DLG2: variants seen among roughly 807,000 people sequenced by gnomAD.
The protein encoded by DLG2 is disks large homolog 2.
DLG2 carries 45 observed loss-of-function variants against 132.5 expected under a neutral mutation model. That is an observed-to-expected ratio of 0.34 (90% CI 0.27 to 0.44). The LOEUF (loss-of-function observed/expected upper bound fraction) is 0.44, where lower values mean the gene tolerates loss of function less well. Among genes scored for constraint, DLG2 ranks in the 20% least tolerant of loss-of-function variants. The pLI, the probability that DLG2 is intolerant of heterozygous loss-of-function variation, is 1.00. For synonymous variants in DLG2, 424 were observed against 419.6 expected (o/e 1.01, Z -0.13); for missense variants, 1,045 against 1,196.9 (o/e 0.87, Z 1.87).
chr11:84,906,500 A>G (rs1349974771), intron 6 of DLG2, among the ~76,000 whole-genome samples: 2 of 151,928 alleles, frequency 1.3e-5, no homozygotes, highest in African/African-American at 4.8e-5. Flanking sequence ...AACATATGAG[A>G]CAGGAGACAT....
At chr11:83,490,941 T>C (rs2093805982) in intron 21 of DLG2, among the ~76,000 whole-genome samples, 2 of 152,002 alleles carry the variant, frequency 1.3e-5, no homozygotes, top group South Asian at 4.1e-4. Flanking sequence ...TATACCAACA[T>C]GAGTTGGTAA....
At chr11:84,786,800 A>G (rs1384166764) in intron 6 of DLG2, among the ~76,000 whole-genome samples, 1 of 152,204 alleles carries the variant, frequency 6.6e-6, no homozygotes, top group East Asian at 1.9e-4. Context: ...GTTAACTGGC[A>G]GTAAAAATCG....
chr11:84,229,623 A>G (rs1353819074), intron 8 of DLG2, among the ~76,000 whole-genome samples: 2 of 152,176 alleles, frequency 1.3e-5, no homozygotes, highest in Non-Finnish European at 2.9e-5. Context: ...ACATTTTTAC[A>G]AGCTCCCAAG....
intron 16 of DLG2, among the ~76,000 whole-genome samples, chr11:83,843,580 G>A (rs530631005): frequency 9.9e-5 from 15 of 150,924 alleles, no homozygotes; most frequent in Non-Finnish European, 1.2e-4. Context: ...GAGCATATAA[G>A]AGACATACAA....
chr11:83,860,050 G>C (rs1363862967), intron 16 of DLG2, among the ~76,000 whole-genome samples: 1 of 152,186 alleles, frequency 6.6e-6, no homozygotes, highest in Non-Finnish European at 1.5e-5. Context: ...GATTTTAGAA[G>C]ATGTATGGAA....
intron 11 of DLG2, among the ~76,000 whole-genome samples, chr11:84,003,210 C>A (rs1222781918): frequency 6.6e-6 from 1 of 152,194 alleles, no homozygotes; most frequent in Non-Finnish European, 1.5e-5. Flanking sequence ...GTCCATATCA[C>A]TATCAGCATT....
intron 6 of DLG2, among the ~76,000 whole-genome samples, chr11:84,944,297 T>C (rs1353801549): frequency 1.3e-5 from 2 of 152,198 alleles, no homozygotes. Context: ...TTCTCTGTTA[T>C]TATCCCTTCA....
chr11:83,562,966 C>CTT (rs527949325), intron 19 of DLG2, among the ~76,000 whole-genome samples: 37 of 81,368 alleles, frequency 4.5e-4, no homozygotes, highest in Non-Finnish European at 5.4e-4. Flanking sequence ...TTCCCTAATT[C>CTT]TTTTTTTTTT....
intron 7 of DLG2, among the ~76,000 whole-genome samples, chr11:84,378,013 A>G (rs981907817): frequency 1.3e-5 from 2 of 152,160 alleles, no homozygotes; most frequent in African/African-American, 4.8e-5. Context: ...TCATTCTATC[A>G]CTGAAAGGGC....
chr11:85,274,583 T>C (rs552435145), intron 4 of DLG2, among the ~76,000 whole-genome samples: 1 of 152,238 alleles, frequency 6.6e-6, no homozygotes, highest in Admixed American at 6.5e-5. Context: ...GAAAATGATA[T>C]CTCCAAATGA....
At chr11:83,736,907 T>C (rs2091971062) in intron 18 of DLG2, among the ~76,000 whole-genome samples, 1 of 152,236 alleles carries the variant, frequency 6.6e-6, no homozygotes. Flanking sequence ...TTACTGAGCA[T>C]CTGTGCATGA....
At chr11:85,020,365 C>T (rs2059940871) in intron 6 of DLG2, among the ~76,000 whole-genome samples, 1 of 152,000 alleles carries the variant, frequency 6.6e-6, no homozygotes, top group African/African-American at 2.4e-5. Flanking sequence ...CGATATTAGC[C>T]CTTTGTCAGA....
At chr11:83,917,382 GACCTA>G (rs2077082756) in intron 15 of DLG2, among the ~76,000 whole-genome samples, 1 of 152,150 alleles carries the variant, frequency 6.6e-6, no homozygotes, top group Non-Finnish European at 1.5e-5. Flanking sequence ...TCATTACAAT[GACCTA>G]ACCTATGTTA....
intron 3 of DLG2, among the ~76,000 whole-genome samples, chr11:85,505,752 T>G (rs1160606889): frequency 6.6e-6 from 1 of 152,166 alleles, no homozygotes; most frequent in East Asian, 1.9e-4. Context: ...TTAGGGAGGA[T>G]TCCCGCTTTT....
intron 15 of DLG2, among the ~76,000 whole-genome samples, chr11:83,925,911 GA>G (rs1421670517): frequency 1.3e-5 from 2 of 151,812 alleles, no homozygotes; most frequent in Non-Finnish European, 1.5e-5. Flanking sequence ...TTTTTTCAAA[GA>G]AAAAGAGATG....
chr11:84,563,479 T>G (rs1234330055), intron 6 of DLG2, among the ~76,000 whole-genome samples: 1 of 152,174 alleles, frequency 6.6e-6, no homozygotes, highest in Non-Finnish European at 1.5e-5. Flanking sequence ...GAAGGAATCA[T>G]GCTTTTTTTC....
chr11:85,377,322 G>A (rs928433402), intron 3 of DLG2, among the ~76,000 whole-genome samples: 1 of 152,100 alleles, frequency 6.6e-6, no homozygotes, highest in Non-Finnish European at 1.5e-5. Context: ...AGGTTTTAAG[G>A]CCTCAGTCAA....
chr11:84,923,145 G>A (rs376651133), intron 6 of DLG2: 115 of 1,613,348 alleles, frequency 7.1e-5, no homozygotes, highest in Middle Eastern at 1.7e-4. Flanking sequence ...CATATGGACC[G>A]GTATTCAGCT....
intron 7 of DLG2, among the ~76,000 whole-genome samples, chr11:84,338,219 C>T (rs1482257032): frequency 6.6e-6 from 1 of 152,156 alleles, no homozygotes; most frequent in African/African-American, 2.4e-5. Context: ...TGCAATTGTC[C>T]ACAGACGTTT....
Sources: gnomAD v4.1 joint callset for allele counts (sites outside exome capture counted in the v4.1 genomes callset) on GRCh38, gnomAD v4.1.1 for gene constraint, MANE v1.5 for transcripts, NCBI Gene and HGNC (gene_info 2026-07-23, HGNC 2026-07-21) for gene names.